NKD1: variants seen among roughly 807,000 people sequenced by gnomAD.
The protein encoded by NKD1 is protein naked cuticle homolog 1.
A neutral mutation model predicts 56.0 loss-of-function variants in NKD1; 21 were observed. The observed-to-expected ratio is 0.38, with a 90% CI of 0.27 to 0.54. The LOEUF (loss-of-function observed/expected upper bound fraction) is 0.54. NKD1 is among the 20% of genes least tolerant of loss of function. The pLI is 0.82. For synonymous variants in NKD1, 263 were observed against 265.7 expected (o/e 0.99, Z 0.10); for missense variants, 578 against 642.7 (o/e 0.90, Z 1.09).
chr16:50,639,490 C>T lies in NKD1; in HGVS notation c.*5709C>T, dbSNP rs1053107202. ...TGGGGTGGAATCCCAGTGGCCCTGC[C>T]TTGAGGAGGATGTGCATTAACGTGG... On this transcript the variant is annotated 3_prime_UTR_variant, in exon 10 of 10. Transcript: ENST00000268459. 1 of 152,242 alleles carries T rather than the reference C, an allele frequency of 6.6e-6. No individual in the cohort carries two copies. The highest frequency in any genetic ancestry group is 1.5e-5 in the Non-Finnish European group (1 of 68,068). The allele number at this position is 152,242 out of a possible 1,614,324, so 9.4% of individuals were successfully genotyped here.
chr16:50,549,348 C>T (rs1044188390), intron 2 of NKD1, 74 bp from the exon 3 acceptor site: 20 of 1,561,780 alleles, frequency 1.3e-5, no homozygotes, highest in Non-Finnish European at 1.6e-5. Flanking sequence ...CACCGCGCCT[C>T]CTTCTTCCCT....
chr16:50,582,313 AG>A (rs138351278), intron 3 of NKD1, among the ~76,000 whole-genome samples: 25 of 152,308 alleles, frequency 1.6e-4, no homozygotes, highest in African/African-American at 6.0e-4. Flanking sequence ...CTAGAGCCCC[AG>A]CCAAAATGAG....
At chr16:50,591,125 A>G (rs372218317) in intron 3 of NKD1, among the ~76,000 whole-genome samples, 1 of 152,138 alleles carries the variant, frequency 6.6e-6, no homozygotes, top group African/African-American at 2.4e-5. Flanking sequence ...GCCCGGCCAG[A>G]ATGAAGCCTC....
intron 3 of NKD1, among the ~76,000 whole-genome samples, chr16:50,584,951 G>T (rs914951439): frequency 6.6e-6 from 1 of 152,204 alleles, no homozygotes; most frequent in African/African-American, 2.4e-5. Context: ...CGAGATGTGG[G>T]CCTGGCTGCA....
At chr16:50,594,496 A>G (rs1371537830) in intron 3 of NKD1, among the ~76,000 whole-genome samples, 1 of 152,232 alleles carries the variant, frequency 6.6e-6, no homozygotes, top group Non-Finnish European at 1.5e-5. Context: ...ACACTGTCCC[A>G]GGGCAGGGCA....
chr16:50,630,824 A>G lies in NKD1; in HGVS notation c.611-2A>G. On this transcript the variant is annotated splice_acceptor_variant, in intron 7 of 9. Transcript: ENST00000268459. LOFTEE classifies it high-confidence loss of function. Reference sequence around the variant, plus strand: ...CTCCTGTGCTTCTCGGGCCGGACTCAGACCTGCAGAGCGCAAGGCCCCGAG... The same window carrying G: ...CTCCTGTGCTTCTCGGGCCGGACTCGGACCTGCAGAGCGCAAGGCCCCGAG... 6.3e-7 allele frequency: 1 copy of G among 1,595,752 alleles called. No individual in the cohort carries two copies.
intron 3 of NKD1, among the ~76,000 whole-genome samples, chr16:50,582,912 C>T (rs1350245145): frequency 6.6e-6 from 1 of 152,140 alleles, no homozygotes; most frequent in Non-Finnish European, 1.5e-5. Flanking sequence ...GAGGCTGAGG[C>T]AGGAGAATTG....
chr16:50,608,159 G>T, intron 3 of NKD1, 135 bp from the exon 4 acceptor site: 1 of 731,252 alleles, frequency 1.4e-6, no homozygotes, highest in Non-Finnish European at 2.5e-6. Flanking sequence ...CTTTTCAGGT[G>T]CAATAGGATC....
chr16:50,605,458 C>G (rs1397078990), intron 3 of NKD1, among the ~76,000 whole-genome samples: 2 of 152,186 alleles, frequency 1.3e-5, no homozygotes, highest in East Asian at 3.8e-4. Flanking sequence ...TAAATACACG[C>G]TTACACAGTT....
rs577808034 is a variant in NKD1 at position 50,648,238 on chromosome 16, T to A, written c.*14457T>A. The A allele has an allele frequency of 2.0e-5, 3 of 152,980 alleles. No individual in the cohort carries two copies. In the South Asian group the frequency reaches 6.2e-4, roughly 32 times the overall value. The allele number at this position is 152,980 out of a possible 1,614,324, so 9.5% of individuals were successfully genotyped here. ...GTCCTCATTCCTGTCCTTCTCACAG[T>A]CAGTCCCTCTTGGCTCTTCCTAGAG... On this transcript the variant is annotated 3_prime_UTR_variant, in exon 10 of 10. Transcript: ENST00000268459.
rs140039473 is a variant in NKD1, at chr16:50,572,773, C to T, written c.192+23218C>T. The T allele has an allele frequency of 2.5e-3, 1,290 of 523,378 alleles. 25 individuals are homozygous for T. In the African/African-American group the frequency reaches 0.025, roughly 10 times the overall value. The allele number at this position is 523,378 out of a possible 1,614,324, so 32.4% of individuals were successfully genotyped here. ...GCACGGTGTCCGGGCTTGAGCTTGTCCCTGAGTCCGACAGAGACAGATCCA... is the reference window on the plus strand; with the variant it reads ...GCACGGTGTCCGGGCTTGAGCTTGTTCCTGAGTCCGACAGAGACAGATCCA... On this transcript the variant is annotated intron_variant, in intron 3 of 9. Coordinates refer to ENST00000268459, the MANE Select transcript of NKD1 (RefSeq NM_033119.5).
At chr16:50,572,754 T>G (rs2151267058) in intron 3 of NKD1, among the ~76,000 whole-genome samples, 2 of 152,270 alleles carry the variant, frequency 1.3e-5, no homozygotes, top group East Asian at 3.9e-4. Flanking sequence ...TGCAGCACGG[T>G]GTCCGGGCTT....
chr16:50,621,519 C>T, intron 4 of NKD1, 83 bp from the exon 5 acceptor site: 1 of 939,954 alleles, frequency 1.1e-6, no homozygotes, highest in Non-Finnish European at 1.6e-6. Flanking sequence ...CCAGGCCAGG[C>T]ATGGAGGACA....
At chr16:50,558,901 C>T (rs556833578) in intron 3 of NKD1, among the ~76,000 whole-genome samples, 70 of 149,414 alleles carry the variant, frequency 4.7e-4, no homozygotes, top group African/African-American at 1.7e-3. Context: ...AAGAGTGAAA[C>T]TCTGTCTCAA....
At position 50,636,803 on chromosome 16, in the gene NKD1, C is replaced by T. The variant is rs1391505991; in HGVS notation, c.*3022C>T. 6.6e-6 allele frequency: 1 copy of T among 152,206 alleles called. No homozygotes were observed. Among genetic ancestry groups the T allele is most frequent in the Non-Finnish European group, 1.5e-5 (1 of 68,042 alleles). 9.4% of individuals were successfully genotyped at this position (152,206 alleles called of 1,614,324 possible). A position where few individuals can be genotyped will look rare whatever the true frequency, so the allele number is the denominator to read the frequency against. On this transcript the variant is annotated 3_prime_UTR_variant, in exon 10 of 10. Coordinates refer to ENST00000268459, the MANE Select transcript of NKD1 (RefSeq NM_033119.5). ...GAAACAGAAAATTGTGTAACATTAACTATGAACTTACCACCCAGAATTTAC... is the reference window on the plus strand; with the variant it reads ...GAAACAGAAAATTGTGTAACATTAATTATGAACTTACCACCCAGAATTTAC...
Position 50,633,797 on chromosome 16 carries a change from C to T in NKD1, c.*16C>T, listed in dbSNP as rs1432525296. ...CCAGACATAGAGCCCCTCCCCAGGGCCCCACCCTGCCATATGAAGGACCCC... is the reference window on the plus strand; with the variant it reads ...CCAGACATAGAGCCCCTCCCCAGGGTCCCACCCTGCCATATGAAGGACCCC... On this transcript the variant is annotated 3_prime_UTR_variant, in exon 10 of 10. Transcript: ENST00000268459. This position sits in a 1 kb window ranked among gnomAD's most constrained non-coding sequence, Gnocchi z 4.9. The T allele has an allele frequency of 5.1e-6, 7 of 1,362,982 alleles. No homozygotes were observed. The highest frequency in any genetic ancestry group is 6.9e-6 in the Non-Finnish European group (7 of 1,020,422). 84.4% of individuals were successfully genotyped at this position (1,362,982 alleles called of 1,614,324 possible).
chr16:50,608,120 G>A (rs1716757278), intron 3 of NKD1, 174 bp from the exon 4 acceptor site: 1 of 639,704 alleles, frequency 1.6e-6, no homozygotes, highest in South Asian at 1.7e-5. Flanking sequence ...TTTATGTTAA[G>A]GGCAGGAGGG....
At chr16:50,594,917 G>A (rs1961442572) in intron 3 of NKD1, among the ~76,000 whole-genome samples, 2 of 152,228 alleles carry the variant, frequency 1.3e-5, no homozygotes, top group African/African-American at 2.4e-5. Flanking sequence ...CACCTCGTGG[G>A]AGGCCTGCTA....
intron 3 of NKD1, among the ~76,000 whole-genome samples, chr16:50,565,612 C>G (rs919740005): frequency 1.3e-5 from 2 of 151,912 alleles, no homozygotes; most frequent in African/African-American, 2.4e-5. Flanking sequence ...TGGTTTGGGG[C>G]CAGGAGTTCG....
Sources: gnomAD v4.1 joint callset for allele counts (sites outside exome capture counted in the v4.1 genomes callset) on GRCh38, gnomAD v4.1.1 for gene constraint, Gnocchi (gnomAD v3.1) non-coding constraint, MANE v1.5 for transcripts, NCBI Gene and HGNC (gene_info 2026-07-23, HGNC 2026-07-21) for gene names.